BANP: variants seen among roughly 807,000 people sequenced by gnomAD.
BANP encodes the protein protein BANP.
A neutral mutation model predicts 68.1 loss-of-function variants in BANP; 11 were observed. That is an observed-to-expected ratio of 0.16 (90% CI 0.10 to 0.27). The LOEUF is 0.27. Among genes scored for constraint, BANP ranks in the 10% least tolerant of loss-of-function variants. BANP has a pLI of 1.00. For missense variants in BANP, 504 were observed against 722.7 expected (o/e 0.70, Z 3.47); for synonymous variants, 329 against 303.2 (o/e 1.09, Z -0.88).
intron 5 of BANP, 28 bp from the exon 6 acceptor site, chr16:88,006,062 G>A (rs185879087): frequency 2.8e-5 from 45 of 1,613,128 alleles, no homozygotes; most frequent in Middle Eastern, 1.8e-4. Flanking sequence ...TTACCACATC[G>A]GGCTGGTGTG....
At chr16:88,043,232 T>A (rs1282200275) in intron 11 of BANP, among the ~76,000 whole-genome samples, 1 of 152,182 alleles carries the variant, frequency 6.6e-6, no homozygotes, top group Non-Finnish European at 1.5e-5. Context: ...TAAAATGCAG[T>A]GGCTGGTTCT....
At chr16:87,967,850 C>G (rs1408827636) in intron 1 of BANP, among the ~76,000 whole-genome samples, 2 of 151,704 alleles carry the variant, frequency 1.3e-5, no homozygotes, top group East Asian at 2.0e-4. Flanking sequence ...CTCGAACTCT[C>G]GACCTCATGA....
At chr16:88,052,659 A>G (rs1326814112) in intron 11 of BANP, among the ~76,000 whole-genome samples, 3 of 151,500 alleles carry the variant, frequency 2.0e-5, no homozygotes, top group Non-Finnish European at 4.4e-5. Flanking sequence ...CCATCATCAC[A>G]ACCACCCTAA....
chr16:88,035,571 C>G (rs2079137641), intron 10 of BANP, among the ~76,000 whole-genome samples, 177 bp downstream of exon 10: 1 of 152,248 alleles, frequency 6.6e-6, no homozygotes. Context: ...TCTGTGGCCT[C>G]TCTGCCTCCC....
intron 4 of BANP, among the ~76,000 whole-genome samples, chr16:87,987,782 T>G (rs1235917403): frequency 3.3e-5 from 5 of 150,872 alleles, no homozygotes; most frequent in Admixed American, 6.6e-5. Context: ...TAAGTTCTTT[T>G]TAAAAGGCAG....
intron 11 of BANP, among the ~76,000 whole-genome samples, chr16:88,051,612 A>G (rs2083290226): frequency 6.6e-6 from 1 of 152,142 alleles, no homozygotes; most frequent in Admixed American, 6.5e-5. Context: ...TTTCCCTGCC[A>G]CAGTTGCAGG....
chr16:88,075,143 C>A (rs922084426), intron 13 of BANP, among the ~76,000 whole-genome samples: 1 of 152,054 alleles, frequency 6.6e-6, no homozygotes, highest in African/African-American at 2.4e-5. Flanking sequence ...GTCAGGAGTT[C>A]GAGACCAGCC....
chr16:87,964,879 A>T (rs1279361580), intron 1 of BANP, among the ~76,000 whole-genome samples: 1 of 152,188 alleles, frequency 6.6e-6, no homozygotes, highest in Non-Finnish European at 1.5e-5. Flanking sequence ...GTGTGGAAGA[A>T]GCAGGTTGGT....
At chr16:88,062,964 C>T (rs1282238211) in intron 11 of BANP, among the ~76,000 whole-genome samples, 1 of 152,216 alleles carries the variant, frequency 6.6e-6, no homozygotes, top group African/African-American at 2.4e-5. Flanking sequence ...CTGGCGTGAC[C>T]TCATTTTTGC....
At chr16:87,983,590 A>T (rs2146170962) in intron 3 of BANP, among the ~76,000 whole-genome samples, 1 of 152,132 alleles carries the variant, frequency 6.6e-6, no homozygotes, top group South Asian at 2.1e-4. Flanking sequence ...CTCAGGACCA[A>T]ATCCCAAGTC....
intron 12 of BANP, among the ~76,000 whole-genome samples, chr16:88,067,768 C>G (rs776627421): frequency 1.3e-5 from 2 of 152,180 alleles, no homozygotes; most frequent in Non-Finnish European, 2.9e-5. Context: ...TGACCTCGCC[C>G]TGCTCCACCC....
intron 9 of BANP, among the ~76,000 whole-genome samples, chr16:88,034,685 C>T (rs1023966328): frequency 6.6e-6 from 1 of 152,114 alleles, no homozygotes; most frequent in African/African-American, 2.4e-5. Flanking sequence ...TTCTATTTCC[C>T]CTCTTTTCTG....
chr16:88,002,335 C>G lies in BANP; in HGVS notation c.363-1960C>G, dbSNP rs1438564021. Reference sequence around the variant, plus strand: ...GTTGAAAGCAAAGATTGCAACCCAGCTGACTTACCAAGGGCTTTCTAGTCA... The same window carrying G: ...GTTGAAAGCAAAGATTGCAACCCAGGTGACTTACCAAGGGCTTTCTAGTCA... On this transcript the variant is annotated intron_variant, in intron 4 of 13. Coordinates refer to ENST00000682872, the MANE Select transcript of BANP (RefSeq NM_001386991.1). This position sits in a 1 kb window ranked among gnomAD's most constrained non-coding sequence, Gnocchi z 4.6. Among the ~76,000 whole-genome samples, 1 of 152,102 alleles carries G rather than the reference C, an allele frequency of 6.6e-6. No individual in the cohort carries two copies. The highest frequency in any genetic ancestry group is 2.4e-5 in the African/African-American group (1 of 41,404).
intron 6 of BANP, among the ~76,000 whole-genome samples, chr16:88,009,322 C>T (rs1726532679): frequency 6.6e-6 from 1 of 152,144 alleles, no homozygotes; most frequent in Non-Finnish European, 1.5e-5. Flanking sequence ...GTTTTAGGCC[C>T]TGATAAGAAA....
intron 6 of BANP, among the ~76,000 whole-genome samples, chr16:88,017,650 T>C (rs1317048934): frequency 2.6e-5 from 4 of 151,944 alleles, no homozygotes; most frequent in Admixed American, 6.5e-5. Context: ...CTGGCGGGCG[T>C]CACTGCCTGG....
At chr16:87,997,745 G>C (rs1328562442) in intron 4 of BANP, among the ~76,000 whole-genome samples, 1 of 152,246 alleles carries the variant, frequency 6.6e-6, no homozygotes, top group Non-Finnish European at 1.5e-5. Context: ...GGTAAAGTGG[G>C]TGAAATAGCC....
chr16:88,076,334 G>A (rs560698536), intron 13 of BANP, among the ~76,000 whole-genome samples: 79 of 152,330 alleles, frequency 5.2e-4, no homozygotes, highest in African/African-American at 1.7e-3. Context: ...CCCCGGTGAC[G>A]GAGTCCATGT....
chr16:88,046,131 TA>T (rs1315083649), intron 11 of BANP, among the ~76,000 whole-genome samples: 1 of 152,240 alleles, frequency 6.6e-6, no homozygotes, highest in Admixed American at 6.5e-5. Flanking sequence ...CCTGTGCACA[TA>T]CGAGGAGTAA....
At chr16:88,041,683 C>T (rs1454484549) in intron 11 of BANP, among the ~76,000 whole-genome samples, 9 of 6,096 alleles carry the variant, frequency 1.5e-3, no homozygotes, top group Admixed American at 0.011. Flanking sequence ...CCACGACACC[C>T]GCATCCTCTG....
Sources: gnomAD v4.1 joint callset for allele counts (sites outside exome capture counted in the v4.1 genomes callset) on GRCh38, gnomAD v4.1.1 for gene constraint, Gnocchi (gnomAD v3.1) non-coding constraint, MANE v1.5 for transcripts, NCBI Gene and HGNC (gene_info 2026-07-23, HGNC 2026-07-21) for gene names.